RAPH1: variants seen among roughly 807,000 people sequenced by gnomAD.
RAPH1 encodes ras-associated and pleckstrin homology domains-containing protein 1.
Under a neutral mutation model 88.1 loss-of-function variants are expected in RAPH1, and 18 were observed. The ratio of observed to expected loss-of-function variants is 0.20; its 90% CI spans 0.14 to 0.30. The LOEUF (loss-of-function observed/expected upper bound fraction) is 0.30, where lower values mean the gene tolerates loss of function less well. RAPH1 is among the 10% of genes least tolerant of loss of function. RAPH1 has a pLI of 1.00. For missense variants in RAPH1, 1,448 were observed against 1,543.2 expected (o/e 0.94, Z 1.03); for synonymous variants, 587 against 559.0 (o/e 1.05, Z -0.71).
At chr2:203,462,854 G>T (rs1352493504) in intron 4 of RAPH1, among the ~76,000 whole-genome samples, 1 of 151,954 alleles carries the variant, frequency 6.6e-6, no homozygotes, top group Non-Finnish European at 1.5e-5. Context: ...GTTTATAAAG[G>T]ATTATTTTCT....
chr2:203,436,227 C>T lies in RAPH1; in HGVS notation c.*3210G>A, dbSNP rs150073567. ...ACCTAGATTTTAGAGGACTATAAAA[C>T]GCCATGTTTACTTTGTTTGAAATTT... On this transcript the variant is annotated 3_prime_UTR_variant, in exon 14 of 14. Coordinates refer to ENST00000319170, the MANE Select transcript of RAPH1 (RefSeq NM_213589.3). The T allele has an allele frequency of 5.1e-4, 77 of 152,254 alleles. No individual in the cohort carries two copies. Among genetic ancestry groups the T allele is most frequent in the African/African-American group, 1.7e-3 (70 of 41,544 alleles). 9.4% of individuals were successfully genotyped at this position (152,254 alleles called of 1,614,324 possible). A position where few individuals can be genotyped will look rare whatever the true frequency, so the allele number is the denominator to read the frequency against.
chr2:203,483,694 G>A (rs917813813), intron 4 of RAPH1, among the ~76,000 whole-genome samples: 1 of 152,184 alleles, frequency 6.6e-6, no homozygotes, highest in Non-Finnish European at 1.5e-5. Flanking sequence ...GAGTGGGGAA[G>A]ATCCATCCTC....
At position 203,439,570 on chromosome 2, in the gene RAPH1, G is replaced by A. The variant is rs2098501377; in HGVS notation, c.3620C>T (p.Pro1207Leu). The change falls in exon 14 of 14, where the codon CCT becomes CTT. Residue 1207 changes from proline (P) to leucine (L), a missense_variant. Transcript: ENST00000319170. The part of the protein sequence containing the change: ...MDDMALPPPP[P>L]ELLSDQQKAG... ...CTTCTGTTGATCAGACAGCAGTTCA[G>A]GGGGTGGTGGAGGCAATGCCATATC... 6.2e-7 allele frequency: 1 copy of A among 1,614,184 alleles called. No individual in the cohort carries two copies. The highest frequency in any genetic ancestry group is 2.2e-5 in the East Asian group (1 of 44,884).
intron 1 of RAPH1, among the ~76,000 whole-genome samples, chr2:203,518,658 C>A (rs1388580498): frequency 6.6e-6 from 1 of 152,028 alleles, no homozygotes; most frequent in African/African-American, 2.4e-5. Context: ...CCAGCCTGAG[C>A]AACATAGCAG....
chr2:203,497,911 G>A (rs1688587012), intron 1 of RAPH1, among the ~76,000 whole-genome samples: 1 of 152,116 alleles, frequency 6.6e-6, no homozygotes, highest in African/African-American at 2.4e-5. Context: ...AACATAAAAT[G>A]TTACTGAAAA....
At chr2:203,494,762 T>C (rs1420860456) in intron 2 of RAPH1, among the ~76,000 whole-genome samples, 4 of 149,202 alleles carry the variant, frequency 2.7e-5, no homozygotes, top group African/African-American at 9.9e-5. Context: ...TGAGCCAAGA[T>C]TGCGCCACTG....
chr2:203,462,488 T>C (rs6732162), intron 4 of RAPH1, among the ~76,000 whole-genome samples: 67,912 of 152,076 alleles, frequency 0.45, 17,028 homozygotes, highest in Middle Eastern at 0.7. Context: ...CCAATACAAA[T>C]ATAAGAAGCT....
Position 203,490,063 on chromosome 2 carries a change from C to T in RAPH1, c.253G>A (p.Asp85Asn), listed in dbSNP as rs745408505. Residue 85 changes from aspartate (D) to asparagine (N), a missense_variant, in exon 4 of 14, where the codon GAT becomes AAT. This residue lies in a region of RAPH1 where 513 missense variants were observed against 653.1 expected (regional missense o/e 0.79). Transcript: ENST00000319170. Reference sequence around the variant, plus strand: ...AGATCAGCCATCAAGGCATCCAGATCCACAGTCTCTCCCTGATTCAGAGCT... The same window carrying T: ...AGATCAGCCATCAAGGCATCCAGATTCACAGTCTCTCCCTGATTCAGAGCT... ...NEALNQGETV[D>N]LDALMADLCS... is the part of the protein sequence containing the mutation. 4 of 1,612,364 alleles carry T rather than the reference C, an allele frequency of 2.5e-6. No homozygotes were observed. In the South Asian group the frequency reaches 4.4e-5, roughly 18 times the overall value.
At chr2:203,507,933 C>A (rs1581384525) in intron 1 of RAPH1, among the ~76,000 whole-genome samples, 1 of 151,958 alleles carries the variant, frequency 6.6e-6, no homozygotes, top group Middle Eastern at 3.4e-3. Flanking sequence ...TACACTGGGG[C>A]CGGGCACGGT....
intron 4 of RAPH1, among the ~76,000 whole-genome samples, chr2:203,475,392 G>C (rs1320377865): frequency 1.3e-5 from 2 of 152,068 alleles, no homozygotes; most frequent in East Asian, 3.9e-4. Context: ...GGGTGACAGA[G>C]CGAGACTCCG....
At chr2:203,454,304 CT>C in intron 10 of RAPH1, 125 bp downstream of exon 10, 1 of 640,322 alleles carries the variant, frequency 1.6e-6, no homozygotes, top group Non-Finnish European at 2.6e-6. Context: ...TTCACCATTC[CT>C]TTTTAAACTT....
In RAPH1 at chr2:203,457,574, CT is replaced by C; in HGVS notation, c.1113del (p.Glu372LysfsTer23). 3 of 1,609,454 alleles carry C rather than the reference CT, an allele frequency of 1.9e-6. No individual in the cohort carries two copies. The highest frequency in any genetic ancestry group is 2.6e-6 in the Non-Finnish European group (3 of 1,176,000). On this transcript the variant is annotated frameshift_variant, in exon 8 of 14. Transcript: ENST00000319170. LOFTEE classifies it high-confidence loss of function. ...KNPQNYLLGK[K>X]ETAEMADRNK... Reference sequence around the variant, plus strand: ...TTTCTATCTGCCATCTCAGCTGTTTCTTTTTTCCCCAAAAGATAATTCTGGA... The same window carrying C: ...TTTCTATCTGCCATCTCAGCTGTTTCTTTTTCCCCAAAAGATAATTCTGGA...
In RAPH1 at chr2:203,439,367, T is replaced by G; in HGVS notation, c.*70A>C. ...TACCAGGAGGCTCTGAACACCTGAA[T>G]TCACAGATGATCAGGTGAGCTGATT... is the stretch of plus-strand genomic sequence containing the variant. On this transcript the variant is annotated 3_prime_UTR_variant, in exon 14 of 14. Coordinates refer to ENST00000319170, the MANE Select transcript of RAPH1 (RefSeq NM_213589.3). 1 of 1,449,964 alleles carries G rather than the reference T, an allele frequency of 6.9e-7. No homozygotes were observed. Among genetic ancestry groups the G allele is most frequent in the African/African-American group, 1.4e-5 (1 of 71,638 alleles). The allele number at this position is 1,449,964 out of a possible 1,614,324, so 89.8% of individuals were successfully genotyped here. A position where few individuals can be genotyped will look rare whatever the true frequency, so the allele number is the denominator to read the frequency against.
intron 4 of RAPH1, among the ~76,000 whole-genome samples, chr2:203,474,051 C>T (rs181479652): frequency 6.6e-4 from 101 of 152,224 alleles, no homozygotes; most frequent in African/African-American, 1.9e-3. Context: ...AGCAAGGAGA[C>T]GGGTATCTAA....
chr2:203,506,812 C>CTAGATA (rs1553630465), intron 1 of RAPH1, among the ~76,000 whole-genome samples: 12 of 52,202 alleles, frequency 2.3e-4, no homozygotes, highest in African/African-American at 1.2e-3. Context: ...ATATCTATAT[C>CTAGATA]TATATATCTA....
At position 203,500,722 on chromosome 2, in the gene RAPH1, T is replaced by C. The variant is rs77585648; in HGVS notation, c.1-5369A>G. 2.2e-4 allele frequency among the ~76,000 whole-genome samples: 34 copies of C among 152,340 alleles called. No individual in the cohort carries two copies. The East Asian group carries it at 6.6e-3, about 29-fold the overall frequency. On this transcript the variant is annotated intron_variant, in intron 1 of 13. Coordinates refer to ENST00000319170, the MANE Select transcript of RAPH1 (RefSeq NM_213589.3). ...CTGGGAGCTCTTGCAAGACAGTAAG[T>C]AATGCCATTTTGTGTAACCACAATT...
At chr2:203,503,700 A>G (rs910088497) in intron 1 of RAPH1, among the ~76,000 whole-genome samples, 7 of 152,192 alleles carry the variant, frequency 4.6e-5, no homozygotes, top group African/African-American at 1.7e-4. Context: ...ATTAACCTGA[A>G]AGTCCACAGT....
intron 1 of RAPH1, among the ~76,000 whole-genome samples, chr2:203,499,787 A>G (rs907270898): frequency 2.0e-5 from 3 of 152,198 alleles, no homozygotes; most frequent in African/African-American, 7.2e-5. Context: ...TTCTTAAAGA[A>G]TTCACACTCT....
intron 13 of RAPH1, chr2:203,442,846 T>C (rs530219962): frequency 2.0e-5 from 3 of 152,346 alleles, no homozygotes; most frequent in East Asian, 3.9e-4. Context: ...CTAGGTTCTA[T>C]AACTTAAAAT....
Sources: allele counts gnomAD v4.1 joint callset (sites outside exome capture counted in the v4.1 genomes callset), GRCh38; gene constraint gnomAD v4.1.1; regional missense constraint gnomAD v4.1.1; transcripts MANE v1.5; gene names NCBI Gene and HGNC (gene_info 2026-07-23, HGNC 2026-07-21).